SYCP2L: variants seen among roughly 807,000 people sequenced by gnomAD.
SYCP2L encodes synaptonemal complex protein 2 like.
A neutral mutation model predicts 125.8 loss-of-function variants in SYCP2L; 98 were observed. That is an observed-to-expected ratio of 0.78 (90% CI 0.66 to 0.92). SYCP2L has a LOEUF of 0.92. SYCP2L is among the 40% of genes least tolerant of loss of function. SYCP2L has a pLI of 0.00. For missense variants in SYCP2L, 842 were observed against 936.4 expected (o/e 0.90, Z 1.32); for synonymous variants, 317 against 325.4 (o/e 0.97, Z 0.28).
chr6:10,910,010 C>T (rs1780577255), intron 10 of SYCP2L, 138 bp from the exon 11 acceptor site: 1 of 643,894 alleles, frequency 1.6e-6, no homozygotes, highest in Non-Finnish European at 2.7e-6. Flanking sequence ...CATATAATAA[C>T]AAATCCTTGT....
At chr6:10,913,033 G>A in intron 14 of SYCP2L, 106 bp downstream of exon 14, 2 of 1,055,634 alleles carry the variant, frequency 1.9e-6, no homozygotes, top group Non-Finnish European at 1.4e-6. Context: ...ACCATGCCTT[G>A]AGGTAGGAAG....
chr6:10,899,753 C>T (rs1272045674), intron 6 of SYCP2L, among the ~76,000 whole-genome samples: 1 of 152,166 alleles, frequency 6.6e-6, no homozygotes, highest in African/African-American at 2.4e-5. Flanking sequence ...GTACCAGAAG[C>T]TTAAGCATGC....
rs187283016 is a variant in SYCP2L at position 10,950,461 on chromosome 6, G to A, written c.1955-4655G>A. On this transcript the variant is annotated intron_variant, in intron 23 of 29. Coordinates refer to ENST00000283141, the MANE Select transcript of SYCP2L (RefSeq NM_001040274.3). Reference sequence around the variant, plus strand: ...ATCATTTTGCTCACAATTCCTCTTTGCACCTTTCCTCCTGGTATCACTGTC... The same window carrying A: ...ATCATTTTGCTCACAATTCCTCTTTACACCTTTCCTCCTGGTATCACTGTC... Among the ~76,000 whole-genome samples the A allele has an allele frequency of 5.2e-3, 793 of 152,124 alleles. 6 individuals are homozygous for A. Among genetic ancestry groups the A allele is most frequent in the South Asian group, 0.024 (117 of 4,820 alleles).
intron 6 of SYCP2L, among the ~76,000 whole-genome samples, chr6:10,899,458 G>A (rs1780341290): frequency 6.6e-6 from 1 of 152,102 alleles, no homozygotes; most frequent in Non-Finnish European, 1.5e-5. Context: ...TGAGGTGGGA[G>A]GATCACTTGA....
chr6:10,906,535 T>C (rs1780493938), intron 9 of SYCP2L, among the ~76,000 whole-genome samples: 1 of 152,148 alleles, frequency 6.6e-6, no homozygotes, highest in Non-Finnish European at 1.5e-5. Context: ...TGTTGCTACA[T>C]GTAGTTTTAG....
At chr6:10,958,518 A>G (rs1360771416) in intron 25 of SYCP2L, among the ~76,000 whole-genome samples, 3 of 152,182 alleles carry the variant, frequency 2.0e-5, no homozygotes, top group African/African-American at 7.2e-5. Flanking sequence ...TTACATTTCA[A>G]TATGAGATTT....
intron 26 of SYCP2L, among the ~76,000 whole-genome samples, 179 bp downstream of exon 26, chr6:10,959,054 A>G (rs1781553335): frequency 6.6e-6 from 1 of 152,232 alleles, no homozygotes. Context: ...GGTTTGAACT[A>G]AATGTCCATC....
intron 23 of SYCP2L, among the ~76,000 whole-genome samples, chr6:10,953,411 T>A (rs1033656720): frequency 2.6e-5 from 4 of 152,152 alleles, no homozygotes; most frequent in Non-Finnish European, 5.9e-5. Context: ...TTTTTCTTAG[T>A]GGCAAATTTG....
intron 28 of SYCP2L, among the ~76,000 whole-genome samples, chr6:10,962,827 G>T (rs776249555): frequency 2.0e-5 from 3 of 152,168 alleles, no homozygotes; most frequent in Non-Finnish European, 2.9e-5. Context: ...TTCATCTGTT[G>T]TGAGTCATGT....
At chr6:10,899,533 G>A (rs111407734) in intron 6 of SYCP2L, among the ~76,000 whole-genome samples, 34 of 152,278 alleles carry the variant, frequency 2.2e-4, no homozygotes, top group Non-Finnish European at 2.1e-4. Flanking sequence ...GGGTGACAGC[G>A]TGATCCTGTC....
chr6:10,919,730 T>G (rs1355675400), intron 14 of SYCP2L, among the ~76,000 whole-genome samples: 1 of 152,088 alleles, frequency 6.6e-6, no homozygotes. Context: ...ACTCAGACTC[T>G]CCTTGGGTGG....
intron 10 of SYCP2L, 101 bp downstream of exon 10, chr6:10,907,785 T>A: frequency 8.4e-7 from 1 of 1,189,206 alleles, no homozygotes; most frequent in Non-Finnish European, 1.2e-6. Flanking sequence ...TTTTTTTGCT[T>A]AAGTGTGATT....
chr6:10,942,572 A>T (rs770713504), intron 22 of SYCP2L, 43 bp downstream of exon 22: 10 of 1,578,486 alleles, frequency 6.3e-6, no homozygotes, highest in Non-Finnish European at 8.6e-6. Flanking sequence ...TTCCAGAATT[A>T]ATATCATATT....
At position 10,907,678 on chromosome 6, in the gene SYCP2L, T is replaced by G. The variant is rs1424061947; in HGVS notation, c.813T>G (p.Phe271Leu). 1 of 1,612,100 alleles carries G rather than the reference T, an allele frequency of 6.2e-7. No individual in the cohort carries two copies. The highest frequency in any genetic ancestry group is 8.5e-7 in the Non-Finnish European group (1 of 1,179,400). The change falls in exon 10 of 30, where the codon TTT (phenylalanine) becomes TTG (leucine). Residue 271 changes from phenylalanine to leucine, a missense_variant. Transcript: ENST00000283141. ...TCAAAGAAATTAAGGATCGAGAATT[T>G]GAGACGGTGAGATTCCTGGCCATGC... is the stretch of plus-strand genomic sequence containing the variant. ...EAFKEIKDRE[F>L]ETDSRRFLNH...
chr6:10,912,698 T>C lies in SYCP2L; in HGVS notation c.944T>C (p.Leu315Ser). 1 of 1,613,520 alleles carries C rather than the reference T, an allele frequency of 6.2e-7. No individual in the cohort carries two copies. The highest frequency in any genetic ancestry group is 8.5e-7 in the Non-Finnish European group (1 of 1,179,908). ...HEMRKPADEK[L>S]EKFWIDFNLG... Reference sequence around the variant, plus strand: ...ATGAGAAAACCAGCGGATGAAAAATTAGAGAAATTTTGGATCGACTTCAAC... The same window carrying C: ...ATGAGAAAACCAGCGGATGAAAAATCAGAGAAATTTTGGATCGACTTCAAC... Residue 315 changes from leucine (L) to serine (S), a missense_variant, in exon 13 of 30, where the codon TTA (leucine) becomes TCA (serine). By Grantham distance (145) the Leu-to-Ser change is moderately radical. Transcript: ENST00000283141. The surrounding 1 kb of genome is among the most constrained non-coding windows in gnomAD (Gnocchi z 4.1).
intron 4 of SYCP2L, among the ~76,000 whole-genome samples, chr6:10,896,166 A>G (rs1034889470): frequency 6.6e-6 from 1 of 152,200 alleles, no homozygotes; most frequent in Non-Finnish European, 1.5e-5. Context: ...CAAGCCCTAC[A>G]GAAAGGAACA....
rs1180902763 is a variant in SYCP2L at position 10,958,955 on chromosome 6, G to T, written c.2255+80G>T. 8.7e-6 allele frequency: 11 copies of T among 1,261,078 alleles called. 1 individual carries two copies. In the East Asian group the frequency reaches 2.4e-4, roughly 27 times the overall value. The allele number at this position is 1,261,078 out of a possible 1,614,324, so 78.1% of individuals were successfully genotyped here. A position where few individuals can be genotyped will look rare whatever the true frequency, so the allele number is the denominator to read the frequency against. ...GTTTATCTCATGACCACTGTGCTAG[G>T]GCCCTGAGGAGTTGGGGCCTGAGCA... On this transcript the variant is annotated intron_variant, in intron 26 of 29. Transcript: ENST00000283141.
intron 1 of SYCP2L, among the ~76,000 whole-genome samples, chr6:10,888,889 TCTCA>T (rs1780127948): frequency 6.6e-6 from 1 of 151,930 alleles, no homozygotes; most frequent in South Asian, 2.1e-4. Context: ...TGATACGGAG[TCTCA>T]CTCTGTCACC....
chr6:10,911,906 T>C (rs1306714962), intron 12 of SYCP2L, among the ~76,000 whole-genome samples: 2 of 128,810 alleles, frequency 1.6e-5, no homozygotes, highest in East Asian at 2.2e-4. Context: ...TTTTTTTTTT[T>C]TTTTTTTTTT....
Sources: allele counts gnomAD v4.1 joint callset (sites outside exome capture counted in the v4.1 genomes callset), GRCh38; gene constraint gnomAD v4.1.1; non-coding constraint Gnocchi (gnomAD v3.1); transcripts MANE v1.5; gene names NCBI Gene and HGNC (gene_info 2026-07-23, HGNC 2026-07-21).